The following ZFP64 variants were observed in gnomAD, a reference collection of about 807,000 sequenced individuals.
The protein encoded by ZFP64 is ZFP64 zinc finger protein.
A neutral mutation model predicts 51.6 loss-of-function variants in ZFP64; 14 were observed. The ratio of observed to expected loss-of-function variants is 0.27; its 90% CI spans 0.18 to 0.42. The LOEUF (loss-of-function observed/expected upper bound fraction) is 0.42, where lower values mean the gene tolerates loss of function less well. ZFP64 is among the 10% of genes least tolerant of loss of function. ZFP64 has a pLI of 1.00. For synonymous variants in ZFP64, 375 were observed against 361.4 expected, an observed-to-expected ratio of 1.04 and a Z score of -0.43; for missense variants, 754 against 906.8, an observed-to-expected ratio of 0.83 and a Z score of 2.16.
chr20:52,110,966 C>A, intron 5 of ZFP64: 1 of 1,527,738 alleles, frequency 6.5e-7, no homozygotes, highest in South Asian at 1.1e-5. Context: ...TTCACCAAGA[C>A]GAACCTGCTT....
At chr20:52,103,520 G>A (rs931627126) in intron 5 of ZFP64, among the ~76,000 whole-genome samples, 1 of 152,168 alleles carries the variant, frequency 6.6e-6, no homozygotes, top group Non-Finnish European at 1.5e-5. Context: ...CAGGACGCAC[G>A]ACACCCTCCC....
chr20:52,161,450 C>CTTTTTTTTTTTTTT (rs11469696), intron 4 of ZFP64, among the ~76,000 whole-genome samples: 1 of 115,182 alleles, frequency 8.7e-6, no homozygotes. Flanking sequence ...TGATTGCTTT[C>CTTTTTTTTTTTTTT]TTTTTTTTTT....
exon 9 of ZFP64, chr20:52,084,840 G>C: frequency 1.9e-6 from 3 of 1,614,062 alleles, no homozygotes; most frequent in South Asian, 1.1e-5. Flanking sequence ...CCGGTTCTCC[G>C]TCTTGGCCTC....
At chr20:52,154,055 C>T (rs1426957655) in intron 5 of ZFP64, among the ~76,000 whole-genome samples, 2 of 152,066 alleles carry the variant, frequency 1.3e-5, no homozygotes, top group African/African-American at 2.4e-5. Flanking sequence ...AATTCATATT[C>T]GCTGAAAGAT....
At chr20:52,150,621 A>AAACCTAAAATATTTACTATCT, downstream of ZFP64, among the ~76,000 whole-genome samples, 1 of 152,240 alleles carries the variant, frequency 6.6e-6, no homozygotes, top group Non-Finnish European at 1.5e-5. Flanking sequence ...AAATATAGCA[A>AAACCTAAAATATTTACTATCT]GTCATCAAAA....
chr20:52,116,427 C>T (rs564940836), intron 5 of ZFP64, among the ~76,000 whole-genome samples: 3 of 150,668 alleles, frequency 2.0e-5, no homozygotes, highest in East Asian at 1.9e-4. Flanking sequence ...TGAGCCACTG[C>T]GCCTGGCCAT....
rs577434011 is a variant in ZFP64 at position 52,178,637 on chromosome 20, C to T, written c.286+8195G>A. On this transcript the variant is annotated intron_variant, in intron 2 of 5. Coordinates refer to ENST00000216923, the MANE Select transcript of ZFP64 (RefSeq NM_018197.3). ...ATGACTCCCACCACGTTCCCCTGTG[C>T]CATCTCTAGCCACTGTTTTCAAATC... Among the ~76,000 whole-genome samples the T allele has an allele frequency of 8.5e-5, 13 of 152,256 alleles. No individual in the cohort carries two copies. The East Asian group carries it at 2.3e-3, about 27-fold the overall frequency.
At chr20:52,173,572 A>G (rs1982923996) in intron 2 of ZFP64, among the ~76,000 whole-genome samples, 1 of 152,146 alleles carries the variant, frequency 6.6e-6, no homozygotes, top group Non-Finnish European at 1.5e-5. Context: ...TGGGTGACAG[A>G]GCAAGACCGT....
At chr20:52,141,773 G>A (rs918664721) in intron 5 of ZFP64, among the ~76,000 whole-genome samples, 2 of 152,206 alleles carry the variant, frequency 1.3e-5, no homozygotes, top group South Asian at 2.1e-4. Context: ...ATTAGGCAGT[G>A]TCAGGTTTTG....
intron 8 of ZFP64, among the ~76,000 whole-genome samples, chr20:52,086,306 A>G (rs1453625007): frequency 6.6e-6 from 1 of 152,102 alleles, no homozygotes; most frequent in African/African-American, 2.4e-5. Flanking sequence ...TGTCACACTC[A>G]GGCCAGTGGA....
chr20:52,096,753 G>A, intron 7 of ZFP64: 1 of 188,824 alleles, frequency 5.3e-6, no homozygotes, highest in South Asian at 1.1e-4. Flanking sequence ...GCTGGGCAAG[G>A]TGGCAGGCGC....
chr20:52,117,468 A>C (rs1978935225), intron 5 of ZFP64, among the ~76,000 whole-genome samples: 1 of 151,990 alleles, frequency 6.6e-6, no homozygotes, highest in Non-Finnish European at 1.5e-5. Context: ...AAAACTAAAA[A>C]ATCAGCTAGG....
At chr20:52,119,520 T>TAAAA (rs11409645) in intron 5 of ZFP64, among the ~76,000 whole-genome samples, 5 of 100,288 alleles carry the variant, frequency 5.0e-5, no homozygotes, top group African/African-American at 2.1e-4. Flanking sequence ...AGACTTCATC[T>TAAAA]AAAAAAAAAA....
At chr20:52,116,303 T>C (rs1020788221) in intron 5 of ZFP64, among the ~76,000 whole-genome samples, 39 of 151,026 alleles carry the variant, frequency 2.6e-4, no homozygotes, top group African/African-American at 9.5e-4. Flanking sequence ...GCACGGCTTA[T>C]TTTTGTATTT....
chr20:52,160,481 T>C lies in ZFP64; in HGVS notation c.512-107A>G. On this transcript the variant is annotated intron_variant, in intron 4 of 5. Coordinates refer to ENST00000216923, the MANE Select transcript of ZFP64 (RefSeq NM_018197.3). This position sits in a 1 kb window ranked among gnomAD's most constrained non-coding sequence, Gnocchi z 4.2. ...AAAGTCATATACAACCACCGAAGAA[T>C]ATTCCAAAAACCCTAAAACACTGGG... is the stretch of plus-strand genomic sequence containing the variant. The C allele has an allele frequency of 6.9e-7, 1 of 1,453,992 alleles. No individual in the cohort carries two copies. Among genetic ancestry groups the C allele is most frequent in the Non-Finnish European group, 9.1e-7 (1 of 1,094,108 alleles). 90.1% of individuals were successfully genotyped at this position (1,453,992 alleles called of 1,614,324 possible). A position where few individuals can be genotyped will look rare whatever the true frequency, so the allele number is the denominator to read the frequency against.
intron 5 of ZFP64, among the ~76,000 whole-genome samples, chr20:52,125,371 C>A (rs886675945): frequency 2.0e-5 from 3 of 152,130 alleles, no homozygotes; most frequent in Non-Finnish European, 2.9e-5. Context: ...ACAGCCATAA[C>A]CATGACCAAG....
At position 52,152,814 on chromosome 20, in the gene ZFP64, C is replaced by G. The variant is rs748012399; in HGVS notation, c.1378G>C (p.Val460Leu). Residue 460 changes from valine (V) to leucine (L), a missense_variant, in exon 6 of 6, where the codon GTT becomes CTT. Around this residue, in one of 3 missense-constraint regions of ZFP64, gnomAD observed 428 missense variants for 472.4 expected, o/e 0.91. Transcript: ENST00000216923. ...YSESKNSDVT[V>L]LQFQIDPSKQ... ...CTGGGGTCGATCTGAAACTGGAGAA[C>G]GGTCACGTCCGAGTTCTTACTCTCA... 3.1e-6 allele frequency: 5 copies of G among 1,612,294 alleles called. No homozygotes were observed. The highest frequency in any genetic ancestry group is 4.2e-6 in the Non-Finnish European group (5 of 1,178,508).
chr20:52,163,176 C>T (rs1364204714), intron 4 of ZFP64, among the ~76,000 whole-genome samples: 2 of 152,170 alleles, frequency 1.3e-5, no homozygotes, highest in East Asian at 3.9e-4. Flanking sequence ...GCCTGACCAA[C>T]ATGGAGAAAC....
chr20:52,102,755 A>T (rs537824814), intron 5 of ZFP64, among the ~76,000 whole-genome samples: 1 of 152,282 alleles, frequency 6.6e-6, no homozygotes, highest in South Asian at 2.1e-4. Flanking sequence ...TAAGCTACTC[A>T]ACTTCCCCGT....
Sources: allele counts gnomAD v4.1 joint callset (sites outside exome capture counted in the v4.1 genomes callset), GRCh38; gene constraint gnomAD v4.1.1; regional missense constraint gnomAD v4.1.1; non-coding constraint Gnocchi (gnomAD v3.1); transcripts MANE v1.5; gene names NCBI Gene and HGNC (gene_info 2026-07-23, HGNC 2026-07-21).